MEI1: variants seen among roughly 807,000 people sequenced by gnomAD.
MEI1 encodes the protein meiotic double-stranded break formation protein 1, also known as meiosis inhibitor protein 1.
A neutral mutation model predicts 146.2 loss-of-function variants in MEI1; 103 were observed. That is an observed-to-expected ratio of 0.70 (90% CI 0.60 to 0.83). MEI1 has a LOEUF of 0.83. MEI1 is among the 40% of genes least tolerant of loss of function. The pLI, the probability that MEI1 is intolerant of heterozygous loss-of-function variation, is 0.00. For synonymous variants in MEI1, 652 were observed against 628.2 expected, an observed-to-expected ratio of 1.04 and a Z score of -0.57; for missense variants, 1,529 against 1,533.0, an observed-to-expected ratio of 1.00 and a Z score of 0.04.
In MEI1 at chr22:41,699,556, G is replaced by T; in HGVS notation, c.18G>T (p.Ala6=). ...GCGAGGAGATGGCTGTGAGGCAGGC[G>T]GCGACGGCGGGCACTCCCGGGCCCA... MAVRQ[A]ATAGTPGPRR... Residue 6 remains alanine (A), a synonymous_variant, in exon 1 of 31, where the codon GCG becomes GCT. Coordinates refer to ENST00000401548, the MANE Select transcript of MEI1 (RefSeq NM_152513.4). The T allele has an allele frequency of 6.2e-7, 1 of 1,611,762 alleles. No homozygotes were observed. The highest frequency in any genetic ancestry group is 8.5e-7 in the Non-Finnish European group (1 of 1,178,998).
intron 3 of MEI1, among the ~76,000 whole-genome samples, 167 bp from the exon 4 acceptor site, chr22:41,713,835 A>G (rs1283074761): frequency 6.6e-6 from 1 of 152,178 alleles, no homozygotes; most frequent in Non-Finnish European, 1.5e-5. Flanking sequence ...GATGTGAGCC[A>G]CTGTGCCTGG....
In MEI1 at chr22:41,776,123, G is replaced by A; in HGVS notation, c.2566G>A (p.Val856Met). 6.2e-7 allele frequency: 1 copy of A among 1,613,948 alleles called. No individual in the cohort carries two copies. The highest frequency in any genetic ancestry group is 8.5e-7 in the Non-Finnish European group (1 of 1,179,868). ...ILLDLIYSSP[V>M]DTAHKVLISL... ...TCAGGACCTCATCTATTCCAGCCCAGTGGACACAGCTCACAAGGTACTGAT... is the reference window on the plus strand; with the variant it reads ...TCAGGACCTCATCTATTCCAGCCCAATGGACACAGCTCACAAGGTACTGAT... Residue 856 changes from valine (V) to methionine (M), a missense_variant, in exon 21 of 31, where the codon GTG becomes ATG. By Grantham distance (21) the Val-to-Met change is conservative (BLOSUM62 1). Around this residue, in one of 3 missense-constraint regions of MEI1, gnomAD observed 1,212 missense variants for 1,178.9 expected, o/e 1.03. Transcript: ENST00000401548.
chr22:41,784,792 C>G lies in MEI1; in HGVS notation c.3345+9C>G. The G allele has an allele frequency of 6.3e-7, 1 of 1,587,526 alleles. No individual in the cohort carries two copies. ...AGAACCTCCTGGTGCAGGTAAGGCC[C>G]TTGCTGAGTGGGGCTTGCTTCTCCC... On this transcript the variant is annotated intron_variant, in intron 26 of 30. Coordinates refer to ENST00000401548, the MANE Select transcript of MEI1 (RefSeq NM_152513.4).
intron 26 of MEI1, among the ~76,000 whole-genome samples, chr22:41,792,542 G>A (rs1012716105): frequency 5.4e-4 from 82 of 152,160 alleles, no homozygotes; most frequent in Non-Finnish European, 1.0e-3. Context: ...TAGAGAGAGT[G>A]TCCAGGGTCC....
At chr22:41,722,572 A>G (rs796518512) in intron 6 of MEI1, among the ~76,000 whole-genome samples, 9 of 136,860 alleles carry the variant, frequency 6.6e-5, no homozygotes, top group African/African-American at 2.2e-4. Context: ...TCACTTCTCT[A>G]TCTGTCCCCA....
chr22:41,710,094 C>T (rs1040083324), intron 3 of MEI1, among the ~76,000 whole-genome samples: 1 of 151,668 alleles, frequency 6.6e-6, no homozygotes, highest in Admixed American at 6.6e-5. Flanking sequence ...TAGGATGGAC[C>T]CTAATCCAAT....
chr22:41,782,621 G>C (rs1375607080), intron 24 of MEI1, among the ~76,000 whole-genome samples: 1 of 152,236 alleles, frequency 6.6e-6, no homozygotes, highest in Non-Finnish European at 1.5e-5. Flanking sequence ...TGGGCACACA[G>C]AAGTGACATG....
chr22:41,751,031 T>A (rs1047956966), intron 15 of MEI1, among the ~76,000 whole-genome samples: 1 of 151,968 alleles, frequency 6.6e-6, no homozygotes, highest in African/African-American at 2.4e-5. Flanking sequence ...TAGGGAGATC[T>A]GTGTAGCATG....
At chr22:41,766,875 C>T (rs893651655) in intron 19 of MEI1, among the ~76,000 whole-genome samples, 2 of 151,336 alleles carry the variant, frequency 1.3e-5, no homozygotes, top group African/African-American at 4.9e-5. Flanking sequence ...TCACGTTGCC[C>T]TAGTTTATCA....
In MEI1 at chr22:41,757,478, C is replaced by T. The variant is rs1459134462; in HGVS notation, c.1952-887C>T. Among the ~76,000 whole-genome samples, 8 of 152,316 alleles carry T rather than the reference C, an allele frequency of 5.3e-5. No homozygotes were observed. The South Asian group carries it at 8.3e-4, about 16-fold the overall frequency. On this transcript the variant is annotated intron_variant, in intron 17 of 30. Transcript: ENST00000401548. ...GTTCAAGCGATTCTCCCACCTCAGC[C>T]TCCCAAGTAGCTGGGATTACAGGCG...
intron 5 of MEI1, 54 bp from the exon 6 acceptor site, chr22:41,718,017 A>G (rs2070374499): frequency 4.4e-6 from 6 of 1,364,130 alleles, no homozygotes; most frequent in South Asian, 3.9e-5. Flanking sequence ...GGAGTTTCAT[A>G]TAGCAGTTGA....
intron 3 of MEI1, among the ~76,000 whole-genome samples, chr22:41,706,771 T>C (rs534318491): frequency 6.6e-6 from 1 of 151,668 alleles, no homozygotes; most frequent in East Asian, 1.9e-4. Flanking sequence ...AAAGGGTTTG[T>C]AGAGAAAGAA....
rs2075768841 is a variant in MEI1, at chr22:41,781,820, C to A, written c.3062C>A (p.Ala1021Asp). The part of the protein sequence containing the change: ...SAWLLTASFS[A>D]QQHKGSLQVH... ...TGGCTGCTCACTGCCTCCTTCTCTGCCCAGCAGCACAAGGGCAGTTTGCAG... is the reference window on the plus strand; with the variant it reads ...TGGCTGCTCACTGCCTCCTTCTCTGACCAGCAGCACAAGGGCAGTTTGCAG... The change falls in exon 24 of 31, where the codon GCC (alanine) becomes GAC (aspartate). Residue 1021 changes from alanine to aspartate, a missense_variant. Ala to Asp is a moderately radical substitution (Grantham distance 126). This residue lies in a region of MEI1 where 313 missense variants were observed against 337.3 expected (regional missense o/e 0.93). Coordinates refer to ENST00000401548, the MANE Select transcript of MEI1 (RefSeq NM_152513.4). 1 of 1,613,848 alleles carries A rather than the reference C, an allele frequency of 6.2e-7. No homozygotes were observed. Among genetic ancestry groups the A allele is most frequent in the African/African-American group, 1.3e-5 (1 of 74,926 alleles).
At position 41,793,982 on chromosome 22, in the gene MEI1, G is replaced by T. The variant is rs1321165987; in HGVS notation, c.3427+72G>T. 4 of 1,362,232 alleles carry T rather than the reference G, an allele frequency of 2.9e-6. No homozygotes were observed. The South Asian group carries it at 5.0e-5, about 17-fold the overall frequency. 84.4% of individuals were successfully genotyped at this position (1,362,232 alleles called of 1,614,324 possible). The stretch of plus-strand genomic sequence containing the variant: ...GGGAGCAACACCCTTCCACCCTCCT[G>T]CTCCAGCCTTCCATTCCCTTGTGTG... On this transcript the variant is annotated intron_variant, in intron 27 of 30. Transcript: ENST00000401548.
rs920802470 is a variant in MEI1 at position 41,735,239 on chromosome 22, T to C, written c.1331+2636T>C. 5.5e-4 allele frequency among the ~76,000 whole-genome samples: 82 copies of C among 148,650 alleles called. 1 individual carries two copies. Among genetic ancestry groups the C allele is most frequent in the African/African-American group, 2.0e-3 (81 of 40,396 alleles). ...GGCCTCCCAAAGTGTTTTTTTTTTT[T>C]TTTTTTTTTGAGATGGAGTTTTGCT... On this transcript the variant is annotated intron_variant, in intron 11 of 30. Coordinates refer to ENST00000401548, the MANE Select transcript of MEI1 (RefSeq NM_152513.4).
intron 17 of MEI1, among the ~76,000 whole-genome samples, chr22:41,757,886 C>T (rs1417513683): frequency 6.6e-6 from 1 of 152,090 alleles, no homozygotes; most frequent in Non-Finnish European, 1.5e-5. Flanking sequence ...GTGGGTGAAT[C>T]ACCTGAGGTC....
intron 3 of MEI1, chr22:41,709,371 G>T (rs577389292): frequency 1.4e-6 from 1 of 727,962 alleles, no homozygotes; most frequent in African/African-American, 1.7e-5. Flanking sequence ...TTTTAGGCTT[G>T]GGCTCTGGCT....
intron 15 of MEI1, among the ~76,000 whole-genome samples, chr22:41,749,455 A>C (rs980546071): frequency 6.6e-6 from 1 of 151,930 alleles, no homozygotes; most frequent in Non-Finnish European, 1.5e-5. Context: ...TTGTATTTTT[A>C]GTAGAGATGG....
At chr22:41,705,047 C>T (rs2068982994) in intron 2 of MEI1, among the ~76,000 whole-genome samples, 2 of 152,004 alleles carry the variant, frequency 1.3e-5, no homozygotes, top group Admixed American at 6.6e-5. Context: ...GGCAGGTCAT[C>T]GAAAGTCAAA....
Sources: allele counts gnomAD v4.1 joint callset (sites outside exome capture counted in the v4.1 genomes callset), GRCh38; gene constraint gnomAD v4.1.1; regional missense constraint gnomAD v4.1.1; transcripts MANE v1.5; gene names NCBI Gene and HGNC (gene_info 2026-07-23, HGNC 2026-07-21).